SCGB2B2: variants seen among roughly 807,000 people sequenced by gnomAD.
SCGB2B2 encodes secretoglobin-like protein.
Under a neutral mutation model 7.6 loss-of-function variants are expected in SCGB2B2, and 11 were observed. The ratio of observed to expected loss-of-function variants is 1.45; its 90% confidence interval spans 0.91 to 2.40. The LOEUF is 2.40. Among genes scored for constraint, SCGB2B2 ranks in the 30% most tolerant of loss-of-function variants. The pLI is 0.00. For synonymous variants in SCGB2B2, 50 were observed against 48.6 expected (o/e 1.03, Z -0.12); for missense variants, 104 against 115.4 (o/e 0.90, Z 0.45).
chr19:34,620,134 G>A (rs1326139565), intron 1 of SCGB2B2, among the ~76,000 whole-genome samples: 2 of 152,060 alleles, frequency 1.3e-5, no homozygotes, highest in South Asian at 2.1e-4. Flanking sequence ...ATTTTGGAAC[G>A]TGTTCTCAAT....
chr19:34,661,150 C>A, intron 1 of SCGB2B2, among the ~76,000 whole-genome samples: 1 of 151,812 alleles, frequency 6.6e-6, no homozygotes, highest in Non-Finnish European at 1.5e-5. Context: ...GTAGGGATAC[C>A]ATTAGGAGAA....
chr19:34,587,780 G>A (rs531144470), downstream of SCGB2B2, among the ~76,000 whole-genome samples: 1 of 152,222 alleles, frequency 6.6e-6, no homozygotes, highest in South Asian at 2.1e-4. Flanking sequence ...TGCACCTATC[G>A]AGATGTTCAT....
At chr19:34,612,813 T>C (rs1313708964) in intron 1 of SCGB2B2, among the ~76,000 whole-genome samples, 1 of 152,190 alleles carries the variant, frequency 6.6e-6, no homozygotes, top group Non-Finnish European at 1.5e-5. Context: ...TCTAATAATA[T>C]TGGTTTTATA....
chr19:34,631,324 T>TTG (rs1279685785), intron 1 of SCGB2B2, among the ~76,000 whole-genome samples: 1 of 151,806 alleles, frequency 6.6e-6, no homozygotes, highest in African/African-American at 2.4e-5. Flanking sequence ...TTTTACAATT[T>TTG]TTTTTTTTTA....
chr19:34,623,123 G>A (rs1311028179), intron 1 of SCGB2B2, among the ~76,000 whole-genome samples: 3 of 152,098 alleles, frequency 2.0e-5, no homozygotes, highest in Non-Finnish European at 4.4e-5. Flanking sequence ...CCCTGGCACT[G>A]TATGAGACAC....
intron 1 of SCGB2B2, among the ~76,000 whole-genome samples, chr19:34,605,207 C>A (rs752275640): frequency 1.3e-5 from 2 of 152,212 alleles, no homozygotes; most frequent in African/African-American, 2.4e-5. Flanking sequence ...TGTATCAATA[C>A]TTCATAGCTT....
At chr19:34,655,899 C>G (rs1281341451) in intron 1 of SCGB2B2, among the ~76,000 whole-genome samples, 3 of 151,058 alleles carry the variant, frequency 2.0e-5, no homozygotes, top group Admixed American at 6.6e-5. Flanking sequence ...AAACTGTAGC[C>G]CTGAAAAAAA....
At chr19:34,649,263 G>A (rs887378619) in intron 1 of SCGB2B2, among the ~76,000 whole-genome samples, 5 of 152,106 alleles carry the variant, frequency 3.3e-5, no homozygotes, top group Admixed American at 3.3e-4. Flanking sequence ...CAGTACAGAA[G>A]GTAAACAGTT....
intron 1 of SCGB2B2, among the ~76,000 whole-genome samples, chr19:34,600,897 C>T (rs1378815769): frequency 7.1e-6 from 1 of 140,814 alleles, no homozygotes; most frequent in East Asian, 2.0e-4. Flanking sequence ...TTTATCAATG[C>T]TATATTTCTG....
intron 1 of SCGB2B2, among the ~76,000 whole-genome samples, chr19:34,657,846 G>C (rs890000294): frequency 1.2e-4 from 19 of 152,146 alleles, no homozygotes; most frequent in Non-Finnish European, 2.5e-4. Flanking sequence ...ATAATTGGAA[G>C]CAAAACACTC....
chr19:34,614,779 C>A (rs965045863), intron 1 of SCGB2B2, among the ~76,000 whole-genome samples: 2 of 152,202 alleles, frequency 1.3e-5, no homozygotes, highest in East Asian at 3.8e-4. Flanking sequence ...ACTTTCCCCT[C>A]CAGTTGGATA....
At chr19:34,602,510 G>A (rs1267995983) in intron 1 of SCGB2B2, among the ~76,000 whole-genome samples, 1 of 152,092 alleles carries the variant, frequency 6.6e-6, no homozygotes, top group Non-Finnish European at 1.5e-5. Context: ...CCAGAACATG[G>A]CCTTTTCTGG....
chr19:34,660,372 C>T (rs1247904214), intron 1 of SCGB2B2, among the ~76,000 whole-genome samples: 8 of 152,244 alleles, frequency 5.3e-5, no homozygotes, highest in African/African-American at 1.7e-4. Context: ...AGAAAATTTT[C>T]GTAATCTACC....
intron 1 of SCGB2B2, among the ~76,000 whole-genome samples, chr19:34,611,349 CCTA>C (rs1245392990): frequency 2.6e-5 from 4 of 152,032 alleles, no homozygotes; most frequent in African/African-American, 9.7e-5. Context: ...TAGTTTTCCT[CCTA>C]CTAATTTTGG....
Position 34,594,177 on chromosome 19 carries a change from TAAC to T in SCGB2B2, c.241_243del (p.Val81del). ...CAGGTCCCCCCGGGCACACTCACAA[TAAC>T]AACTGAATGAGCAAATCTTTCTGTC... On this transcript the variant is annotated inframe_deletion, in exon 3 of 4. Transcript: ENST00000601241. 1 of 1,613,776 alleles carries T rather than the reference TAAC, an allele frequency of 6.2e-7. No individual in the cohort carries two copies. Among genetic ancestry groups the T allele is most frequent in the African/African-American group, 1.3e-5 (1 of 75,036 alleles).
chr19:34,634,933 CT>C, intron 1 of SCGB2B2: 1 of 271,890 alleles, frequency 3.7e-6, no homozygotes, highest in Non-Finnish European at 7.7e-6. Context: ...CACTCACAGC[CT>C]TTCACCAGTG....
chr19:34,636,627 A>T (rs1238178002), intron 1 of SCGB2B2, among the ~76,000 whole-genome samples: 1 of 152,234 alleles, frequency 6.6e-6, no homozygotes, highest in Non-Finnish European at 1.5e-5. Flanking sequence ...AAGGGGTGAG[A>T]CCTGGAAATC....
At chr19:34,638,040 T>C (rs2066736040) in intron 1 of SCGB2B2, 1 of 152,248 alleles carries the variant, frequency 6.6e-6, no homozygotes, top group South Asian at 2.1e-4. Flanking sequence ...ACCATTTTAC[T>C]TGACAAGTTA....
intron 1 of SCGB2B2, among the ~76,000 whole-genome samples, chr19:34,645,096 A>AAC (rs370330008): frequency 6.6e-6 from 1 of 152,216 alleles, no homozygotes; most frequent in African/African-American, 2.4e-5. Flanking sequence ...CACAGGGAGA[A>AAC]ACACACACAC....
Sources: gnomAD v4.1 joint callset for allele counts (sites outside exome capture counted in the v4.1 genomes callset) on GRCh38, gnomAD v4.1.1 for gene constraint, MANE v1.5 for transcripts, NCBI Gene and HGNC (gene_info 2026-07-23, HGNC 2026-07-21) for gene names.